Variants in LMBRD1 observed in about 807,000 individuals in gnomAD.
The protein encoded by LMBRD1 is lysosomal cobalamin transport escort protein LMBD1.
Under a neutral mutation model 74.8 loss-of-function variants are expected in LMBRD1, and 64 were observed. The observed-to-expected ratio is 0.86, with a 90% CI of 0.70 to 1.05. The LOEUF (loss-of-function observed/expected upper bound fraction) is 1.05, where lower values mean the gene tolerates loss of function less well. Ranked by LOEUF, LMBRD1 falls within the 50% of genes least tolerant of loss-of-function variation. The pLI is 0.00. For synonymous variants in LMBRD1, 204 were observed against 216.3 expected (o/e 0.94, Z 0.50); for missense variants, 652 against 645.9 (o/e 1.01, Z -0.10).
chr6:69,767,755 G>T (rs1242886445), intron 3 of LMBRD1, among the ~76,000 whole-genome samples: 4 of 151,800 alleles, frequency 2.6e-5, no homozygotes, highest in Non-Finnish European at 5.9e-5. Context: ...TTTTCTAACT[G>T]TTCTATCAGA....
At chr6:69,757,493 T>C (rs1765290948) in intron 3 of LMBRD1, among the ~76,000 whole-genome samples, 1 of 152,240 alleles carries the variant, frequency 6.6e-6, no homozygotes, top group Non-Finnish European at 1.5e-5. Context: ...CCTTCTAAGC[T>C]ATCTTCTAAT....
At chr6:69,728,803 A>C (rs1391816044) in intron 7 of LMBRD1, among the ~76,000 whole-genome samples, 1 of 152,182 alleles carries the variant, frequency 6.6e-6, no homozygotes, top group African/African-American at 2.4e-5. Flanking sequence ...CAGGACTAAT[A>C]AATGTATTTT....
intron 13 of LMBRD1, 81 bp downstream of exon 13, chr6:69,698,961 TA>T: frequency 1.1e-6 from 1 of 933,636 alleles, no homozygotes; most frequent in Non-Finnish European, 1.7e-6. Context: ...TATCTTATGC[TA>T]ACCATCACAA....
At chr6:69,741,555 T>G (rs1767101570) in intron 6 of LMBRD1, among the ~76,000 whole-genome samples, 1 of 152,152 alleles carries the variant, frequency 6.6e-6, no homozygotes, top group African/African-American at 2.4e-5. Context: ...CCAGCTAATT[T>G]TTGTATTTTT....
chr6:69,725,094 A>T (rs997057587), intron 7 of LMBRD1, among the ~76,000 whole-genome samples: 1 of 152,138 alleles, frequency 6.6e-6, no homozygotes, highest in African/African-American at 2.4e-5. Context: ...AAATAAATTT[A>T]AAAAAGTAAG....
chr6:69,722,217 T>C (rs1023400375), intron 7 of LMBRD1, among the ~76,000 whole-genome samples: 9 of 152,098 alleles, frequency 5.9e-5, no homozygotes, highest in Admixed American at 5.2e-4. Context: ...GTATGAAAGA[T>C]AAAGATCTTC....
intron 3 of LMBRD1, among the ~76,000 whole-genome samples, chr6:69,770,087 G>A (rs1765547950): frequency 6.6e-6 from 1 of 152,162 alleles, no homozygotes; most frequent in Admixed American, 6.5e-5. Context: ...TGCAGCTTCA[G>A]CCAGACATAT....
chr6:69,697,677 G>T (rs534063644), intron 13 of LMBRD1, 36 bp from the exon 14 acceptor site: 2 of 1,233,100 alleles, frequency 1.6e-6, no homozygotes, highest in Non-Finnish European at 2.4e-6. Flanking sequence ...TATAAAAACC[G>T]CATTAATAAA....
Position 69,674,134 on chromosome 6 carries a change from T to C in LMBRD1, c.*2024A>G, listed in dbSNP as rs1035258120. Among the ~76,000 whole-genome samples, 10 of 152,202 alleles carry C rather than the reference T, an allele frequency of 6.6e-5. No homozygotes were observed. The highest frequency in any genetic ancestry group is 1.5e-4 in the Non-Finnish European group (10 of 68,024). ...TGGCTTGCAGACCACTGCCTTCTCA[T>C]TGCATCCTCACATGGCCTCTTCTTT... On this transcript the variant is annotated 3_prime_UTR_variant, in exon 16 of 16. Transcript: ENST00000649934.
rs112336206 is a variant in LMBRD1, at chr6:69,728,923, C to A, written c.636+9019G>T. Among the ~76,000 whole-genome samples, 164 of 152,128 alleles carry A rather than the reference C, an allele frequency of 1.1e-3. 1 individual carries two copies. Among genetic ancestry groups the A allele is most frequent in the African/African-American group, 3.8e-3 (156 of 41,512 alleles). ...GAATCTGCTGCTACTTTAACCAGAG[C>A]AATTCTACTTGTTCCCAACCTCTAT... On this transcript the variant is annotated intron_variant, in intron 7 of 15. Transcript: ENST00000649934.
chr6:69,725,755 A>C (rs1766718045), intron 7 of LMBRD1, among the ~76,000 whole-genome samples: 1 of 152,216 alleles, frequency 6.6e-6, no homozygotes, highest in African/African-American at 2.4e-5. Context: ...TGAAGACCTA[A>C]GATCAAAGAC....
chr6:69,698,351 A>G (rs1234165153), intron 13 of LMBRD1, among the ~76,000 whole-genome samples: 1 of 152,028 alleles, frequency 6.6e-6, no homozygotes, highest in Non-Finnish European at 1.5e-5. Flanking sequence ...GGGCACACTG[A>G]TTTAATCATG....
Position 69,719,059 on chromosome 6 carries a change from G to C in LMBRD1, c.659C>G (p.Pro220Arg). ...TCTAGTGCCTTTTATCAGATTTAAAGGTAACGCAGACATGCCATAGGCCTA... is the reference window on the plus strand; with the variant it reads ...TCTAGTGCCTTTTATCAGATTTAAACGTAACGCAGACATGCCATAGGCCTA... ...TYTAYGMSAL[P>R]LNLIKGTRSA... Residue 220 changes from proline (P) to arginine (R), a missense_variant, in exon 8 of 16, where the codon CCT (proline) becomes CGT (arginine). Physicochemically the swap from Pro to Arg is moderately radical, Grantham distance 103. This residue lies in a region of LMBRD1 where 598 missense variants were observed against 581.8 expected (regional missense o/e 1.03). Coordinates refer to ENST00000649934, the MANE Select transcript of LMBRD1 (RefSeq NM_018368.4). 6.2e-7 allele frequency: 1 copy of C among 1,613,056 alleles called. No individual in the cohort carries two copies. Among genetic ancestry groups the C allele is most frequent in the East Asian group, 2.2e-5 (1 of 44,822 alleles).
intron 7 of LMBRD1, among the ~76,000 whole-genome samples, chr6:69,724,513 T>C (rs1226629224): frequency 7.1e-6 from 1 of 141,786 alleles, no homozygotes; most frequent in East Asian, 2.2e-4. Flanking sequence ...TTGTATTTGT[T>C]GAACCATCCC....
intron 7 of LMBRD1, among the ~76,000 whole-genome samples, chr6:69,726,150 C>T (rs1011476805): frequency 5.3e-5 from 8 of 152,086 alleles, no homozygotes; most frequent in Non-Finnish European, 1.0e-4. Context: ...CACTGATCAT[C>T]GGAGAAATGC....
Position 69,796,882 on chromosome 6 carries a change from C to A in LMBRD1, c.-1G>T. The A allele has an allele frequency of 6.2e-7, 1 of 1,613,648 alleles. No homozygotes were observed. The highest frequency in any genetic ancestry group is 1.3e-5 in the African/African-American group (1 of 75,012). ...CCGAGGCCGCGCCAGAAGTCGCCAT[C>A]TTCGCTTCCGGTCCAGACCAACCTG... On this transcript the variant is annotated 5_prime_UTR_variant, in exon 1 of 16. Transcript: ENST00000649934.
Position 69,674,594 on chromosome 6 carries a change from T to C in LMBRD1, c.*1564A>G, listed in dbSNP as rs915118362. On this transcript the variant is annotated 3_prime_UTR_variant, in exon 16 of 16. Coordinates refer to ENST00000649934, the MANE Select transcript of LMBRD1 (RefSeq NM_018368.4). ...AAATGTTACAGTTGAAGCAGTAATT[T>C]CTAGCTAAAAGATAACTCAAAGTTC... 6.6e-6 allele frequency among the ~76,000 whole-genome samples: 1 copy of C among 152,210 alleles called. No individual in the cohort carries two copies. Among genetic ancestry groups the C allele is most frequent in the Non-Finnish European group, 1.5e-5 (1 of 68,038 alleles).
In LMBRD1 at chr6:69,739,608, G is replaced by A. The variant is rs570844890; in HGVS notation, c.563-1593C>T. 2.0e-5 allele frequency among the ~76,000 whole-genome samples: 3 copies of A among 152,118 alleles called. No individual in the cohort carries two copies. In the South Asian group the frequency reaches 6.2e-4, roughly 32 times the overall value. On this transcript the variant is annotated intron_variant, in intron 6 of 15. Transcript: ENST00000649934. ...ATTCTACTTACAATATTCAAAAAAA[G>A]TAAAACTAATATAACTAATATATAG...
intron 14 of LMBRD1, among the ~76,000 whole-genome samples, chr6:69,694,098 AT>A (rs1765945351): frequency 6.6e-6 from 1 of 152,130 alleles, no homozygotes; most frequent in Admixed American, 6.5e-5. Flanking sequence ...ACTGAATCTG[AT>A]TCATAAAAAA....
Sources: gnomAD v4.1 joint callset for allele counts (sites outside exome capture counted in the v4.1 genomes callset) on GRCh38, gnomAD v4.1.1 for gene constraint, gnomAD v4.1.1 regional missense constraint, MANE v1.5 for transcripts, NCBI Gene and HGNC (gene_info 2026-07-23, HGNC 2026-07-21) for gene names.